The following PREPL variants were observed in gnomAD, a reference collection of about 807,000 sequenced individuals.
PREPL encodes prolyl endopeptidase like.
Under a neutral mutation model 70.6 loss-of-function variants are expected in PREPL, and 77 were observed. That is an observed-to-expected ratio of 1.09 (90% CI 0.91 to 1.32). PREPL has a LOEUF of 1.32. PREPL is among the 40% of genes most tolerant of loss of function. The pLI is 0.00. For synonymous variants in PREPL, 315 were observed against 264.8 expected (o/e 1.19, Z -1.84); for missense variants, 1,002 against 778.2 (o/e 1.29, Z -3.42).
chr2:44,342,361 T>G, intron 5 of PREPL, 56 bp downstream of exon 5: 5 of 1,475,002 alleles, frequency 3.4e-6, no homozygotes, highest in Non-Finnish European at 4.6e-6. Flanking sequence ...AGTCAGTACT[T>G]TAAATAACTG....
chr2:44,321,557 T>C lies in PREPL; in HGVS notation c.1828-112A>G, dbSNP rs905226744. ...ACCTAACCGTGAAGTCAGCAATTTATGGCAAGAATACTTTCATTCGAGAGA... is the reference window on the plus strand; with the variant it reads ...ACCTAACCGTGAAGTCAGCAATTTACGGCAAGAATACTTTCATTCGAGAGA... On this transcript the variant is annotated intron_variant, in intron 13 of 13. Transcript: ENST00000409411. The C allele has an allele frequency of 6.6e-6, 10 of 1,509,954 alleles. No homozygotes were observed. In the African/African-American group the frequency reaches 8.4e-5, roughly 13 times the overall value. 93.5% of individuals were successfully genotyped at this position (1,509,954 alleles called of 1,614,324 possible). A position where few individuals can be genotyped will look rare whatever the true frequency, so the allele number is the denominator to read the frequency against.
chr2:44,327,006 G>C (rs1385550061), intron 9 of PREPL, 78 bp from the exon 10 acceptor site: 2 of 1,245,366 alleles, frequency 1.6e-6, no homozygotes, highest in Admixed American at 4.0e-5. Flanking sequence ...ACTACACCTG[G>C]AGGCCTGTTT....
Position 44,326,258 on chromosome 2 carries a change from C to T in PREPL, c.1479+454G>A, listed in dbSNP as rs9678061. Among the ~76,000 whole-genome samples, 8 of 151,966 alleles carry T rather than the reference C, an allele frequency of 5.3e-5. No homozygotes were observed. In the East Asian group the frequency reaches 5.8e-4, roughly 11 times the overall value. ...AGAACACTGTATCAGAGAAGAATAACGGTTAATAGTTGGATTAAAATAACT... is the reference window on the plus strand; with the variant it reads ...AGAACACTGTATCAGAGAAGAATAATGGTTAATAGTTGGATTAAAATAACT... On this transcript the variant is annotated intron_variant, in intron 10 of 13. Coordinates refer to ENST00000409411, the MANE Select transcript of PREPL (RefSeq NM_001171613.2).
At chr2:44,323,877 A>C (rs954634963) in intron 10 of PREPL, among the ~76,000 whole-genome samples, 6 of 152,162 alleles carry the variant, frequency 3.9e-5, no homozygotes, top group Non-Finnish European at 8.8e-5. Context: ...TGGTTCATCA[A>C]AGAGTTAAGC....
intron 9 of PREPL, among the ~76,000 whole-genome samples, chr2:44,327,254 C>T (rs187656574): frequency 4.3e-4 from 66 of 152,194 alleles, no homozygotes; most frequent in African/African-American, 1.4e-3. Flanking sequence ...TAGAAACAAA[C>T]GAAAATCCCC....
intron 9 of PREPL, among the ~76,000 whole-genome samples, chr2:44,327,903 A>G (rs1673681318): frequency 6.6e-6 from 1 of 151,838 alleles, no homozygotes; most frequent in African/African-American, 2.4e-5. Context: ...AAAGGACATG[A>G]TTTTGGAAGG....
Position 44,328,851 on chromosome 2 carries a change from C to G in PREPL, c.1262+86G>C, listed in dbSNP as rs1673798288. ...GAATAATAAGAATGAAAAAAATAAG[C>G]TTTTGTTCCCTGATATATATTGTTA... On this transcript the variant is annotated intron_variant, in intron 9 of 13. Transcript: ENST00000409411. 3.1e-6 allele frequency: 4 copies of G among 1,296,522 alleles called. No individual in the cohort carries two copies. The South Asian group carries it at 6.8e-5, about 22-fold the overall frequency. The allele number at this position is 1,296,522 out of a possible 1,614,324, so 80.3% of individuals were successfully genotyped here.
rs114478096 is a variant in PREPL at position 44,342,304 on chromosome 2, C to G, written c.485+113G>C. 173 of 945,590 alleles carry G rather than the reference C, an allele frequency of 1.8e-4. No individual in the cohort carries two copies. In the African/African-American group the frequency reaches 2.6e-3, roughly 14 times the overall value. 58.6% of individuals were successfully genotyped at this position (945,590 alleles called of 1,614,324 possible). ...CTAATAAAAGAATGATCGTTTTAGC[C>G]TTATTATTCCTGGTTCCAACCAAAA... is the stretch of plus-strand genomic sequence containing the variant. On this transcript the variant is annotated intron_variant, in intron 5 of 13. Transcript: ENST00000409411.
At chr2:44,333,611 C>G (rs1674340692) in intron 7 of PREPL, among the ~76,000 whole-genome samples, 1 of 133,548 alleles carries the variant, frequency 7.5e-6, no homozygotes, top group Admixed American at 7.9e-5. Flanking sequence ...GTTCTCTGAG[C>G]AAATCTCTTA....
At chr2:44,359,718 T>G in intron 1 of PREPL, 2 of 1,590,200 alleles carry the variant, frequency 1.3e-6, no homozygotes, top group South Asian at 2.2e-5. Flanking sequence ...TGCTGCATGA[T>G]ATCAAAGTCC....
intron 9 of PREPL, among the ~76,000 whole-genome samples, chr2:44,327,867 A>C (rs1673677871): frequency 6.6e-6 from 1 of 151,854 alleles, no homozygotes; most frequent in South Asian, 2.1e-4. Flanking sequence ...CATCTCAAAA[A>C]AATACAAAAC....
At chr2:44,341,057 C>T (rs941558513) in intron 5 of PREPL, among the ~76,000 whole-genome samples, 4 of 151,784 alleles carry the variant, frequency 2.6e-5, no homozygotes, top group East Asian at 1.9e-4. Context: ...TAATATTTTA[C>T]GTAATCGAGA....
chr2:44,344,394 T>C (rs1287642957), intron 3 of PREPL, 126 bp downstream of exon 3: 1 of 775,274 alleles, frequency 1.3e-6, no homozygotes, highest in Non-Finnish European at 2.0e-6. Flanking sequence ...AAACTAGTCA[T>C]TAAAAAAAAA....
intron 1 of PREPL, among the ~76,000 whole-genome samples, chr2:44,350,089 T>G (rs1676252614): frequency 6.6e-6 from 1 of 152,320 alleles, no homozygotes; most frequent in Non-Finnish European, 1.5e-5. Context: ...CTACTCATTT[T>G]ATTAGGCTAA....
intron 2 of PREPL, among the ~76,000 whole-genome samples, chr2:44,344,913 G>A (rs539505868): frequency 5.9e-5 from 9 of 152,262 alleles, no homozygotes; most frequent in African/African-American, 1.9e-4. Flanking sequence ...TGTACAGTGG[G>A]AGTCAATTAA....
intron 1 of PREPL, among the ~76,000 whole-genome samples, chr2:44,347,842 C>T (rs1182502396): frequency 6.6e-6 from 1 of 152,158 alleles, no homozygotes. Flanking sequence ...GCTATAAATA[C>T]AGTTTATATT....
rs766402014 is a variant in PREPL, at chr2:44,332,487, C to T, written c.1058G>A (p.Arg353His). ...GCTTTTGGCTTCTAGACGTAAAACG[C>T]GACTAGTCTTTGTGATTGGGTCTTC... ...GHEDPITKTS[R>H]VLRLEAKSKD... The change falls in exon 8 of 14, where the codon CGC becomes CAC. Residue 353 changes from arginine to histidine, a missense_variant. By Grantham distance (29) the Arg-to-His change is conservative. Transcript: ENST00000409411. 1.2e-5 allele frequency: 19 copies of T among 1,613,828 alleles called. No individual in the cohort carries two copies. The Middle Eastern group carries it at 4.9e-4, about 42-fold the overall frequency.
rs1398856196 is a variant in PREPL at position 44,318,878 on chromosome 2, G to GCATC, written c.*2474_*2477dup. On this transcript the variant is annotated 3_prime_UTR_variant, in exon 14 of 14. Transcript: ENST00000409411. ...ACATTCCACCAAAAATCATGACTAC[G>GCATC]CATCTAACAGCTTCAAAATATAGAA... is the stretch of plus-strand genomic sequence containing the variant. 2.0e-5 allele frequency: 3 copies of GCATC among 152,174 alleles called. No homozygotes were observed. Among genetic ancestry groups the GCATC allele is most frequent in the African/African-American group, 7.2e-5 (3 of 41,524 alleles). The allele number at this position is 152,174 out of a possible 1,614,324, so 9.4% of individuals were successfully genotyped here.
chr2:44,352,626 G>A (rs1676570590), intron 1 of PREPL, among the ~76,000 whole-genome samples: 1 of 152,108 alleles, frequency 6.6e-6, no homozygotes, highest in Non-Finnish European at 1.5e-5. Context: ...CACAAAGGCA[G>A]GGATTTTTGT....
Sources: gnomAD v4.1 joint callset for allele counts (sites outside exome capture counted in the v4.1 genomes callset) on GRCh38, gnomAD v4.1.1 for gene constraint, MANE v1.5 for transcripts, NCBI Gene and HGNC (gene_info 2026-07-23, HGNC 2026-07-21) for gene names.